RNF150: variants seen among roughly 807,000 people sequenced by gnomAD.
The protein encoded by RNF150 is ring finger protein 150.
RNF150 carries 24 observed loss-of-function variants against 39.3 expected under a neutral mutation model. The ratio of observed to expected loss-of-function variants is 0.61; its 90% CI spans 0.44 to 0.86. The LOEUF is 0.86. Ranked by LOEUF, RNF150 falls within the 40% of genes least tolerant of loss-of-function variation. The probability of loss-of-function intolerance (pLI) is 0.00; values close to 1 mark genes in which losing one functional copy is unlikely to be tolerated. For missense variants in RNF150, 502 were observed against 587.8 expected (o/e 0.85, Z 1.51); for synonymous variants, 255 against 227.3 (o/e 1.12, Z -1.10).
intron 1 of RNF150, among the ~76,000 whole-genome samples, chr4:141,073,727 T>C (rs961227360): frequency 6.6e-6 from 1 of 152,080 alleles, no homozygotes; most frequent in Non-Finnish European, 1.5e-5. Flanking sequence ...TTCAATGTAA[T>C]TCCTGTTTTT....
chr4:141,118,987 C>T (rs1726524552), intron 1 of RNF150, among the ~76,000 whole-genome samples: 1 of 152,148 alleles, frequency 6.6e-6, no homozygotes, highest in Non-Finnish European at 1.5e-5. Flanking sequence ...TCTCAAACTC[C>T]TGACCTCAGG....
intron 4 of RNF150, among the ~76,000 whole-genome samples, chr4:140,943,832 GA>G (rs1732182052): frequency 6.6e-6 from 1 of 152,112 alleles, no homozygotes; most frequent in South Asian, 2.1e-4. Flanking sequence ...CTTAGTTGTG[GA>G]GGAGAGTTTG....
chr4:140,884,358 C>T lies in RNF150; in HGVS notation c.1199-15979G>A, dbSNP rs537710585. Reference sequence around the variant, plus strand: ...GGCCATATTTTCCTGTTTCTTTGTACTCCTTTTCATGCTTTGTTGGGACTT... The same window carrying T: ...GGCCATATTTTCCTGTTTCTTTGTATTCCTTTTCATGCTTTGTTGGGACTT... On this transcript the variant is annotated intron_variant, in intron 6 of 6. Transcript: ENST00000515673. Among the ~76,000 whole-genome samples, 10 of 152,180 alleles carry T rather than the reference C, an allele frequency of 6.6e-5. No individual in the cohort carries two copies. In the South Asian group the frequency reaches 1.9e-3, roughly 28 times the overall value.
rs940386057 is a variant in RNF150, at chr4:141,133,053, G to A, written c.-245C>T. The A allele has an allele frequency of 9.4e-6, 4 of 426,316 alleles. No homozygotes were observed. Among genetic ancestry groups the A allele is most frequent in the South Asian group, 2.6e-5 (1 of 38,690 alleles). The allele number at this position is 426,316 out of a possible 1,614,324, so 26.4% of individuals were successfully genotyped here. A position where few individuals can be genotyped will look rare whatever the true frequency, so the allele number is the denominator to read the frequency against. On this transcript the variant is annotated 5_prime_UTR_variant, in exon 1 of 7. Transcript: ENST00000515673. ...CATTTTGCTTCTTGGGCGCCCGGGG[G>A]GCGCGGGAACAGAGGGCCCGCGGGG...
At chr4:141,086,507 G>C (rs767139905) in intron 1 of RNF150, among the ~76,000 whole-genome samples, 2 of 151,822 alleles carry the variant, frequency 1.3e-5, no homozygotes, top group Non-Finnish European at 2.9e-5. Context: ...AATTAGTAGA[G>C]GGTATGTACA....
chr4:141,175,570 G>C (rs1019717296), intron 1 of RNF150, among the ~76,000 whole-genome samples: 4 of 152,196 alleles, frequency 2.6e-5, no homozygotes, highest in African/African-American at 9.6e-5. Flanking sequence ...TGGGGTCTAA[G>C]AGGGCCTAAC....
intron 1 of RNF150, among the ~76,000 whole-genome samples, chr4:140,976,428 C>A (rs1320768016): frequency 2.0e-5 from 3 of 152,090 alleles, no homozygotes; most frequent in Non-Finnish European, 2.9e-5. Flanking sequence ...GCGAGGATGA[C>A]CCAGCCAGTA....
intron 1 of RNF150, among the ~76,000 whole-genome samples, chr4:141,108,306 A>T (rs1381563727): frequency 2.0e-5 from 3 of 152,032 alleles, no homozygotes; most frequent in African/African-American, 7.2e-5. Context: ...TTTTCTTAAA[A>T]TTTTTCTTCT....
chr4:141,203,074 T>TATATAC (rs1728314725), intron 1 of RNF150, among the ~76,000 whole-genome samples: 1 of 135,384 alleles, frequency 7.4e-6, no homozygotes, highest in Admixed American at 7.4e-5. Context: ...TATATATATA[T>TATATAC]ATACACACAT....
intron 6 of RNF150, among the ~76,000 whole-genome samples, chr4:140,879,074 A>T (rs1578923523): frequency 1.3e-5 from 2 of 152,128 alleles, no homozygotes; most frequent in East Asian, 3.8e-4. Flanking sequence ...ATACATGAGG[A>T]TCTCTATTCT....
intron 6 of RNF150, among the ~76,000 whole-genome samples, chr4:140,888,528 G>C (rs1412797431): frequency 1.3e-5 from 2 of 152,166 alleles, no homozygotes; most frequent in Admixed American, 1.3e-4. Flanking sequence ...ATAAATATTT[G>C]TCCTTGCAAC....
At chr4:141,003,301 C>T (rs1485514855) in intron 1 of RNF150, among the ~76,000 whole-genome samples, 1 of 152,074 alleles carries the variant, frequency 6.6e-6, no homozygotes, top group African/African-American at 2.4e-5. Context: ...TACATGTACT[C>T]GTAGGATACA....
At chr4:141,195,268 G>A (rs572413591) in intron 1 of RNF150, among the ~76,000 whole-genome samples, 3 of 152,162 alleles carry the variant, frequency 2.0e-5, no homozygotes, top group Admixed American at 6.5e-5. Flanking sequence ...TCCTAAACCT[G>A]AGCTAGGATT....
rs1297789154 is a variant in RNF150, at chr4:140,917,993, C to T, written c.988-6639G>A. On this transcript the variant is annotated intron_variant, in intron 5 of 6. Transcript: ENST00000515673. ...AAATAAAGATGTTCTTTGAAACCAA[C>T]GAGAACAAAGACACAACATACCAGA... Among the ~76,000 whole-genome samples, 15 of 151,480 alleles carry T rather than the reference C, an allele frequency of 9.9e-5. No individual in the cohort carries two copies. The South Asian group carries it at 1.7e-3, about 17-fold the overall frequency.
intron 4 of RNF150, among the ~76,000 whole-genome samples, chr4:140,930,258 C>T (rs559971280): frequency 1.1e-4 from 16 of 152,318 alleles, no homozygotes; most frequent in East Asian, 7.7e-4. Flanking sequence ...CAAGAGTTTC[C>T]GGCTTATAGG....
chr4:140,918,610 G>A (rs1238888124), intron 5 of RNF150, among the ~76,000 whole-genome samples: 2 of 151,892 alleles, frequency 1.3e-5, no homozygotes, highest in African/African-American at 4.8e-5. Flanking sequence ...AGAGGTACAA[G>A]GAGGAGCTGG....
At chr4:141,174,939 G>A (rs1486558592) in intron 1 of RNF150, among the ~76,000 whole-genome samples, 1 of 150,644 alleles carries the variant, frequency 6.6e-6, no homozygotes, top group Non-Finnish European at 1.5e-5. Flanking sequence ...GGAGTTGTAA[G>A]CATTGATTCT....
intron 1 of RNF150, among the ~76,000 whole-genome samples, chr4:141,102,607 A>G (rs1331483156): frequency 6.6e-6 from 1 of 152,194 alleles, no homozygotes. Context: ...ACCACTCTAC[A>G]GACAGTCCTG....
chr4:141,124,835 A>T (rs545475779), intron 1 of RNF150, among the ~76,000 whole-genome samples: 1 of 152,342 alleles, frequency 6.6e-6, no homozygotes, highest in South Asian at 2.1e-4. Flanking sequence ...TGCCTAGAAA[A>T]CACATGAACA....
Sources: allele counts gnomAD v4.1 joint callset (sites outside exome capture counted in the v4.1 genomes callset), GRCh38; gene constraint gnomAD v4.1.1; transcripts MANE v1.5; gene names NCBI Gene and HGNC (gene_info 2026-07-23, HGNC 2026-07-21).